The following WDR72 variants were observed in gnomAD, a reference collection of about 807,000 sequenced individuals.
WDR72 encodes the protein WD repeat-containing protein 72.
Under a neutral mutation model 124.2 loss-of-function variants are expected in WDR72, and 120 were observed. That is an observed-to-expected ratio of 0.97 (90% CI 0.83 to 1.12). WDR72 has a LOEUF of 1.12. Among genes scored for constraint, WDR72 ranks in the 50% most tolerant of loss-of-function variants. The pLI is 0.00. For missense variants in WDR72, 1,387 were observed against 1,278.8 expected (o/e 1.08, Z -1.29); for synonymous variants, 452 against 441.7 (o/e 1.02, Z -0.29).
intron 18 of WDR72, among the ~76,000 whole-genome samples, chr15:53,554,692 T>C (rs562878044): frequency 4.6e-5 from 7 of 152,244 alleles, no homozygotes; most frequent in African/African-American, 1.7e-4. Context: ...TGAACTGTGA[T>C]ACAGGAGAAG....
intron 3 of WDR72, 84 bp from the exon 4 acceptor site, chr15:53,716,769 A>AGTGTTGCACTTAAGT: frequency 1.0e-6 from 1 of 955,682 alleles, no homozygotes; most frequent in Non-Finnish European, 1.7e-6. Flanking sequence ...GTTTTTCTTT[A>AGTGTTGCACTTAAGT]GCAGCCTGAT....
At chr15:53,638,577 ATTCTTTT>A (rs1566997528) in intron 14 of WDR72, among the ~76,000 whole-genome samples, 1 of 129,428 alleles carries the variant, frequency 7.7e-6, no homozygotes, top group South Asian at 2.5e-4. Context: ...TCCTAATCAC[ATTCTTTT>A]TTTTTTTTTT....
chr15:53,625,273 A>G (rs2014158623), intron 14 of WDR72, among the ~76,000 whole-genome samples: 1 of 152,228 alleles, frequency 6.6e-6, no homozygotes, highest in African/African-American at 2.4e-5. Context: ...ATTGGTTTAC[A>G]TGTTGTTTAT....
chr15:53,726,192 ATGTGTGTGTGTATATATATATG>A (rs2018021573), intron 2 of WDR72, among the ~76,000 whole-genome samples: 1 of 126,558 alleles, frequency 7.9e-6, no homozygotes, highest in Non-Finnish European at 1.7e-5. Flanking sequence ...ATATATATAT[ATGTGTGTGTGTATATATATATG>A]TATGTGTATA....
intron 16 of WDR72, among the ~76,000 whole-genome samples, chr15:53,613,168 G>A (rs1258108782): frequency 6.6e-6 from 1 of 152,014 alleles, no homozygotes; most frequent in Non-Finnish European, 1.5e-5. Flanking sequence ...GGCATCAAGA[G>A]GAAATCTAAA....
At chr15:53,609,769 C>A (rs184779186) in intron 16 of WDR72, among the ~76,000 whole-genome samples, 177 bp from the exon 17 acceptor site, 85 of 152,022 alleles carry the variant, frequency 5.6e-4, no homozygotes, top group Admixed American at 1.4e-3. Context: ...GTGGGACAGG[C>A]ATTAATGCTT....
At chr15:53,720,414 T>C (rs2017844977) in intron 3 of WDR72, among the ~76,000 whole-genome samples, 1 of 152,202 alleles carries the variant, frequency 6.6e-6, no homozygotes, top group South Asian at 2.1e-4. Context: ...CTGGGTTTTG[T>C]CCAAAATTCC....
intron 18 of WDR72, among the ~76,000 whole-genome samples, chr15:53,533,656 C>T (rs1371620508): frequency 5.3e-5 from 8 of 152,140 alleles, no homozygotes; most frequent in Non-Finnish European, 1.2e-4. Context: ...CTCTCTTTAT[C>T]CTTCCAATCT....
intron 13 of WDR72, among the ~76,000 whole-genome samples, chr15:53,691,500 GA>G (rs1302083240): frequency 1.4e-4 from 21 of 152,090 alleles, no homozygotes; most frequent in Non-Finnish European, 2.5e-4. Flanking sequence ...TCTTGTTAAT[GA>G]CCTTTGATAC....
chr15:53,732,603 G>T (rs1326109298), intron 2 of WDR72, among the ~76,000 whole-genome samples: 1 of 152,116 alleles, frequency 6.6e-6, no homozygotes, highest in Non-Finnish European at 1.5e-5. Flanking sequence ...ACATAATTAA[G>T]ATATTACTCA....
intron 19 of WDR72, among the ~76,000 whole-genome samples, chr15:53,522,147 G>A (rs909248548): frequency 3.3e-5 from 5 of 151,966 alleles, no homozygotes; most frequent in African/African-American, 9.7e-5. Context: ...TTGGGGTTCC[G>A]AGATGACTTA....
rs557469007 is a variant in WDR72 at position 53,715,709 on chromosome 15, T to C, written c.340-342A>G. Among the ~76,000 whole-genome samples, 11 of 152,232 alleles carry C rather than the reference T, an allele frequency of 7.2e-5. No individual in the cohort carries two copies. In the East Asian group the frequency reaches 2.1e-3, roughly 29 times the overall value. The stretch of plus-strand genomic sequence containing the variant: ...CAGTGGTTCATGCCTATAATCCCAG[T>C]GCTTTGGGAGGAGGCTATGGTGGGA... On this transcript the variant is annotated intron_variant, in intron 4 of 19. Transcript: ENST00000360509.
At chr15:53,714,181 C>CTGTGTGTGTGTGTG (rs147902451) in intron 6 of WDR72, among the ~76,000 whole-genome samples, 71 of 150,440 alleles carry the variant, frequency 4.7e-4, no homozygotes, top group South Asian at 1.7e-3. Context: ...TGTAATCTTT[C>CTGTGTGTGTGTGTG]TGTGTGTGTG....
At chr15:53,661,949 C>T (rs1427222669) in intron 14 of WDR72, among the ~76,000 whole-genome samples, 3 of 152,116 alleles carry the variant, frequency 2.0e-5, no homozygotes, top group Admixed American at 6.6e-5. Context: ...TAATAATCCA[C>T]TTTACCCTTT....
intron 18 of WDR72, among the ~76,000 whole-genome samples, chr15:53,594,722 G>A (rs1399142001): frequency 2.6e-5 from 4 of 151,716 alleles, no homozygotes; most frequent in Non-Finnish European, 5.9e-5. Flanking sequence ...ATTCCAGGAG[G>A]TGGAAGTTGC....
At chr15:53,646,312 C>A (rs959637273) in intron 14 of WDR72, among the ~76,000 whole-genome samples, 1 of 152,010 alleles carries the variant, frequency 6.6e-6, no homozygotes. Flanking sequence ...GCTTATAAAA[C>A]CCCCGTAACT....
At chr15:53,622,741 T>C (rs1033572145) in intron 14 of WDR72, among the ~76,000 whole-genome samples, 1 of 152,034 alleles carries the variant, frequency 6.6e-6, no homozygotes, top group Non-Finnish European at 1.5e-5. Flanking sequence ...CGTTTACCTA[T>C]GTAACAAACC....
intron 18 of WDR72, among the ~76,000 whole-genome samples, chr15:53,590,222 C>G (rs1906437): frequency 0.7 from 106,728 of 151,832 alleles, 38,059 homozygotes; most frequent in Middle Eastern, 0.87. Flanking sequence ...TACCCCCAAC[C>G]CTTATTCCTT....
intron 18 of WDR72, among the ~76,000 whole-genome samples, chr15:53,526,182 C>A (rs2140219179): frequency 6.6e-6 from 1 of 152,142 alleles, no homozygotes; most frequent in South Asian, 2.1e-4. Context: ...TGCCCTCATA[C>A]AACTTGTGCT....
Sources: gnomAD v4.1 joint callset for allele counts (sites outside exome capture counted in the v4.1 genomes callset) on GRCh38, gnomAD v4.1.1 for gene constraint, MANE v1.5 for transcripts, NCBI Gene and HGNC (gene_info 2026-07-23, HGNC 2026-07-21) for gene names.